NHSL2: variants seen among roughly 807,000 people sequenced by gnomAD.
NHSL2 encodes NHS-like protein 2.
Under a neutral mutation model 53.4 loss-of-function variants are expected in NHSL2, and 27 were observed. The ratio of observed to expected loss-of-function variants is 0.51; its 90% CI spans 0.37 to 0.70. The LOEUF (loss-of-function observed/expected upper bound fraction) is 0.70, where lower values mean the gene tolerates loss of function less well. Among genes scored for constraint, NHSL2 ranks in the 30% least tolerant of loss-of-function variants. The pLI, the probability that NHSL2 is intolerant of heterozygous loss-of-function variation, is 0.00. For synonymous variants in NHSL2, 408 were observed against 404.1 expected (o/e 1.01, Z -0.12); for missense variants, 892 against 980.1 (o/e 0.91, Z 1.20).
At chrX:72,020,716 T>G (rs746233134) in intron 1 of NHSL2, among the ~76,000 whole-genome samples, 9 of 112,840 alleles carry the variant, frequency 8.0e-5, no homozygotes, top group South Asian at 3.7e-4. Context: ...CCTGCCGTTT[T>G]AAAGCTCCAT....
At chrX:72,132,266 C>T in intron 2 of NHSL2, 32 bp downstream of exon 2, 1 of 1,124,997 alleles carries the variant, frequency 8.9e-7, no homozygotes, top group East Asian at 3.5e-5. Flanking sequence ...GCGGCCGGAG[C>T]CCAGAAGCGA....
intron 1 of NHSL2, among the ~76,000 whole-genome samples, chrX:71,933,718 G>A (rs974518365): frequency 1.1e-4 from 12 of 111,411 alleles, no homozygotes; most frequent in African/African-American, 3.6e-4. Flanking sequence ...CACAAGATAA[G>A]CACTCGATAA....
At chrX:71,998,757 G>A (rs1177203766) in intron 1 of NHSL2, among the ~76,000 whole-genome samples, 2 of 110,925 alleles carry the variant, frequency 1.8e-5, no homozygotes, top group African/African-American at 3.3e-5. Flanking sequence ...CTGGCCGTGG[G>A]GTCCTCTCCA....
At chrX:72,075,226 T>G (rs1356284028) in intron 1 of NHSL2, among the ~76,000 whole-genome samples, 4 of 112,448 alleles carry the variant, frequency 3.6e-5, no homozygotes, top group Non-Finnish European at 7.5e-5. Flanking sequence ...TCATCTGCAA[T>G]GTATGAATGT....
At chrX:72,061,107 G>A (rs2042396964) in intron 1 of NHSL2, among the ~76,000 whole-genome samples, 1 of 112,595 alleles carries the variant, frequency 8.9e-6, no homozygotes, top group Non-Finnish European at 1.9e-5. Context: ...GGTGAACTCG[G>A]TGTGTTTATG....
At chrX:71,996,217 G>A (rs2042049650) in intron 1 of NHSL2, among the ~76,000 whole-genome samples, 1 of 113,343 alleles carries the variant, frequency 8.8e-6, no homozygotes. Flanking sequence ...CTGGGCATGA[G>A]GGCAGAGATC....
At chrX:71,912,750 G>A (rs1602255442) in intron 1 of NHSL2, among the ~76,000 whole-genome samples, 1 of 112,293 alleles carries the variant, frequency 8.9e-6, no homozygotes, top group Non-Finnish European at 1.9e-5. Flanking sequence ...GGGTCCCACT[G>A]ATTACAGGAT....
intron 1 of NHSL2, among the ~76,000 whole-genome samples, chrX:71,995,835 T>G (rs941084552): frequency 8.9e-6 from 1 of 112,553 alleles, no homozygotes; most frequent in Non-Finnish European, 1.9e-5. Context: ...CAGAAACTTT[T>G]GTCTGTTTTC....
At chrX:72,057,221 T>C (rs1181234327) in intron 1 of NHSL2, among the ~76,000 whole-genome samples, 2 of 112,474 alleles carry the variant, frequency 1.8e-5, no homozygotes, top group Non-Finnish European at 3.8e-5. Context: ...TATACTGTTG[T>C]GCACACCATT....
At chrX:72,142,746 C>T (rs2042428790) in intron 7 of NHSL2, among the ~76,000 whole-genome samples, 1 of 111,438 alleles carries the variant, frequency 9.0e-6, no homozygotes, top group African/African-American at 3.3e-5. Context: ...CACAGAATTC[C>T]TTGTATCAAA....
At chrX:72,114,858 T>C (rs748571663) in intron 1 of NHSL2, among the ~76,000 whole-genome samples, 1 of 112,024 alleles carries the variant, frequency 8.9e-6, no homozygotes, top group East Asian at 2.8e-4. Context: ...AATAGGCAGA[T>C]ATGAGGGGAA....
rs927502572 is a variant in NHSL2 at position 72,112,713 on chromosome X, G to A, written c.281-19366G>A. On this transcript the variant is annotated intron_variant, in intron 1 of 7. Coordinates refer to ENST00000633930, the MANE Select transcript of NHSL2 (RefSeq NM_001013627.3). ...TCATTCCTTTTTTTTTCTTTGAGAT[G>A]CAGTCTCGTTCTGTTACCCAGGCTG... 5.4e-5 allele frequency among the ~76,000 whole-genome samples: 6 copies of A among 110,808 alleles called. No individual in the cohort carries two copies. The Admixed American group carries it at 5.7e-4, about 11-fold the overall frequency.
chrX:72,119,315 G>T (rs758870566), intron 1 of NHSL2, among the ~76,000 whole-genome samples: 1 of 111,811 alleles, frequency 8.9e-6, no homozygotes, highest in South Asian at 3.7e-4. Context: ...AAAGAAATTG[G>T]AATTTTGATA....
intron 1 of NHSL2, among the ~76,000 whole-genome samples, chrX:71,957,483 G>A (rs1012911698): frequency 3.8e-4 from 43 of 112,044 alleles, no homozygotes; most frequent in East Asian, 2.5e-3. Context: ...AGCCAGGATG[G>A]TCTCGATCTC....
intron 1 of NHSL2, among the ~76,000 whole-genome samples, chrX:71,964,976 G>A (rs1174538917): frequency 1.8e-5 from 2 of 111,856 alleles, no homozygotes. Flanking sequence ...GCAGGATGTT[G>A]ATAGTGGAGG....
intron 1 of NHSL2, among the ~76,000 whole-genome samples, chrX:71,953,759 G>A (rs190793887): frequency 2.7e-5 from 3 of 111,693 alleles, no homozygotes; most frequent in African/African-American, 9.8e-5. Flanking sequence ...TCCTCTGTGA[G>A]CACAGATAAA....
chrX:72,086,833 T>C (rs899010916), intron 1 of NHSL2, among the ~76,000 whole-genome samples: 2 of 112,183 alleles, frequency 1.8e-5, no homozygotes, highest in Admixed American at 9.4e-5. Context: ...AAGCTGATTT[T>C]TTAAAAAAGA....
chrX:72,139,379 C>T lies in NHSL2; in HGVS notation c.1831C>T (p.His611Tyr), dbSNP rs1602402839. ...CCTCTCCTTGGAACATCAAGGACATCACTCGTCCCACCCAGATGCTCAGGG... is the reference window on the plus strand; with the variant it reads ...CCTCTCCTTGGAACATCAAGGACATTACTCGTCCCACCCAGATGCTCAGGG... ...LCLSLEHQGHHSSHPDAQGHP... is the reference protein window; with the variant it reads ...LCLSLEHQGHYSSHPDAQGHP... Residue 611 changes from histidine to tyrosine, a missense_variant, in exon 6 of 8, where the codon CAC becomes TAC. Coordinates refer to ENST00000633930, the MANE Select transcript of NHSL2 (RefSeq NM_001013627.3). 5 of 1,209,756 alleles carry T rather than the reference C, an allele frequency of 4.1e-6. No homozygotes were observed. The highest frequency in any genetic ancestry group is 5.6e-6 in the Non-Finnish European group (5 of 893,941).
intron 1 of NHSL2, among the ~76,000 whole-genome samples, chrX:71,931,988 G>A (rs1368589588): frequency 1.8e-5 from 2 of 111,862 alleles, no homozygotes; most frequent in African/African-American, 3.2e-5. Context: ...TTTTTCTTTC[G>A]ACAAATATTG....
Sources: gnomAD v4.1 joint callset for allele counts (sites outside exome capture counted in the v4.1 genomes callset) on GRCh38, gnomAD v4.1.1 for gene constraint, MANE v1.5 for transcripts, NCBI Gene and HGNC (gene_info 2026-07-23, HGNC 2026-07-21) for gene names.